SRP19: variants seen among roughly 807,000 people sequenced by gnomAD.
SRP19 encodes signal recognition particle 19.
In SRP19, 11 loss-of-function variants were observed where a neutral mutation model predicts 22.4. The ratio of observed to expected loss-of-function variants is 0.49; its 90% CI spans 0.31 to 0.81. The LOEUF is 0.81. Ranked by LOEUF, SRP19 falls within the 40% of genes least tolerant of loss-of-function variation. The pLI is 0.05. For synonymous variants in SRP19, 61 were observed against 57.6 expected, an observed-to-expected ratio of 1.06 and a Z score of -0.27; for missense variants, 168 against 175.9, an observed-to-expected ratio of 0.96 and a Z score of 0.25.
intron 4 of SRP19, among the ~76,000 whole-genome samples, chr5:112,874,962 G>C (rs957664257): frequency 6.6e-6 from 1 of 152,054 alleles, no homozygotes; most frequent in African/African-American, 2.4e-5. Context: ...ATTTAGGAGA[G>C]ACAGGGTTTC....
At chr5:112,879,387 C>A (rs761853398) in intron 4 of SRP19, among the ~76,000 whole-genome samples, 1 of 152,004 alleles carries the variant, frequency 6.6e-6, no homozygotes, top group Non-Finnish European at 1.5e-5. Flanking sequence ...CCTACAGATA[C>A]CAAAATCTGT....
At chr5:112,881,586 G>A (rs965922601) in intron 4 of SRP19, among the ~76,000 whole-genome samples, 6 of 152,064 alleles carry the variant, frequency 3.9e-5, no homozygotes, top group African/African-American at 9.7e-5. Context: ...CATGACCCTA[G>A]TACAAATGGA....
At chr5:112,890,351 A>T (rs1209232895) in intron 4 of SRP19, among the ~76,000 whole-genome samples, 1 of 144,698 alleles carries the variant, frequency 6.9e-6, no homozygotes, top group African/African-American at 2.8e-5. Flanking sequence ...TACAGAATAA[A>T]GAACACAAAA....
chr5:112,888,165 A>G (rs889104577), intron 4 of SRP19, among the ~76,000 whole-genome samples: 1 of 97,112 alleles, frequency 1.0e-5, no homozygotes, highest in Admixed American at 8.4e-5. Flanking sequence ...CTCATGCTTT[A>G]AATTTAAGTC....
At chr5:112,873,365 T>TA (rs1554092007), downstream of SRP19, among the ~76,000 whole-genome samples, 14 of 145,078 alleles carry the variant, frequency 9.6e-5, 1 homozygote, top group Non-Finnish European at 2.0e-4. Context: ...TTTTTTTTTT[T>TA]AGATGGTGTT....
downstream of SRP19, among the ~76,000 whole-genome samples, chr5:112,871,528 G>A (rs1485479613): frequency 1.3e-5 from 2 of 151,806 alleles, no homozygotes; most frequent in Non-Finnish European, 2.9e-5. Context: ...AGGCTGAGGC[G>A]GGCAGATGAC....
At chr5:112,881,118 G>C (rs1316693262) in intron 4 of SRP19, among the ~76,000 whole-genome samples, 2 of 98,484 alleles carry the variant, frequency 2.0e-5, no homozygotes, top group African/African-American at 9.8e-5. Flanking sequence ...AACAGAGTGA[G>C]ACTCTGTTTC....
chr5:112,873,314 TG>T (rs1767801315), downstream of SRP19, among the ~76,000 whole-genome samples: 1 of 145,780 alleles, frequency 6.9e-6, no homozygotes, highest in African/African-American at 2.5e-5. Flanking sequence ...TATTTAGATT[TG>T]CTCAGCTTTA....
downstream of SRP19, among the ~76,000 whole-genome samples, chr5:112,873,271 C>CTTTTTTTT (rs35379154): frequency 0.019 from 930 of 50,102 alleles, 2 homozygotes; most frequent in Middle Eastern, 0.038. Flanking sequence ...CTCAGGTTTT[C>CTTTTTTTT]TTTTTTTTTT....
At position 112,878,673 on chromosome 5, in the gene SRP19, C is replaced by CA. The variant is rs1444126535; in HGVS notation, c.302-12925dup. ...CAACACATTCCAATCTTTAATATCT[C>CA]AAAAATGTTTCCAAGGCAACATTAT... On this transcript the variant is annotated intron_variant, in intron 4 of 4. Transcript: ENST00000391338. 9 of 1,445,086 alleles carry CA rather than the reference C, an allele frequency of 6.2e-6. No homozygotes were observed. The African/African-American group carries it at 1.1e-4, about 18-fold the overall frequency. The allele number at this position is 1,445,086 out of a possible 1,614,324, so 89.5% of individuals were successfully genotyped here.
At chr5:112,887,958 A>C (rs1326385287) in intron 4 of SRP19, among the ~76,000 whole-genome samples, 2 of 152,240 alleles carry the variant, frequency 1.3e-5, no homozygotes, top group Non-Finnish European at 2.9e-5. Context: ...CAGAAGGAAA[A>C]GGAATATTCA....
downstream of SRP19, chr5:112,896,418 G>A (rs1420614071): frequency 3.3e-5 from 5 of 152,280 alleles, no homozygotes; most frequent in Non-Finnish European, 5.9e-5. Context: ...AGCTACTTGG[G>A]AGGCTGAGGC....
At chr5:112,895,573 C>G (rs760530510), downstream of SRP19, 1 of 152,176 alleles carries the variant, frequency 6.6e-6, no homozygotes, top group African/African-American at 2.4e-5. Flanking sequence ...TGACTACTTT[C>G]TGGTACCCTC....
downstream of SRP19, chr5:112,897,815 T>C (rs1417124427): frequency 6.6e-6 from 1 of 152,194 alleles, no homozygotes; most frequent in Non-Finnish European, 1.5e-5. Context: ...TCCCAGCATT[T>C]TGAGAGGCCG....
intron 4 of SRP19, 183 bp from the exon 5 acceptor site, chr5:112,867,221 C>A: frequency 1.6e-6 from 1 of 616,414 alleles, no homozygotes; most frequent in Non-Finnish European, 2.7e-6. Context: ...TATTCTCACT[C>A]TCAGTACATT....
In SRP19 at chr5:112,869,128, CAT is replaced by C. The variant is rs369790125; in HGVS notation, c.*1594_*1595del. On this transcript the variant is annotated 3_prime_UTR_variant, in exon 5 of 5. Transcript: ENST00000505459. ...GGATTTAAGCAGGATATTTTTGCCTCATATGTTAAATCCAAGTGAGGTTGCTG... is the reference window on the plus strand; with the variant it reads ...GGATTTAAGCAGGATATTTTTGCCTCATGTTAAATCCAAGTGAGGTTGCTG... 1 of 152,142 alleles carries C rather than the reference CAT, an allele frequency of 6.6e-6. No individual in the cohort carries two copies. Among genetic ancestry groups the C allele is most frequent in the African/African-American group, 2.4e-5 (1 of 41,426 alleles). 9.4% of individuals were successfully genotyped at this position (152,142 alleles called of 1,614,324 possible).
At chr5:112,893,760 G>T (rs1481941477), downstream of SRP19, 1 of 152,242 alleles carries the variant, frequency 6.6e-6, no homozygotes, top group African/African-American at 2.4e-5. Context: ...GGTAGACTAA[G>T]ACCTTCTGTT....
downstream of SRP19, chr5:112,894,355 T>G (rs462692): frequency 0.54 from 82,759 of 152,096 alleles, 22,979 homozygotes; most frequent in African/African-American, 0.67. Flanking sequence ...GACCTCGTGA[T>G]CTGCCCACCT....
intron 4 of SRP19, among the ~76,000 whole-genome samples, chr5:112,867,072 C>G (rs1336871149): frequency 2.0e-5 from 3 of 152,134 alleles, no homozygotes; most frequent in African/African-American, 7.2e-5. Flanking sequence ...CAGTGATATT[C>G]TGACTCTGTT....
Sources: gnomAD v4.1 joint callset for allele counts (sites outside exome capture counted in the v4.1 genomes callset) on GRCh38, gnomAD v4.1.1 for gene constraint, MANE v1.5 for transcripts, NCBI Gene and HGNC (gene_info 2026-07-23, HGNC 2026-07-21) for gene names.